Variants in TANC1 observed in about 807,000 individuals in gnomAD.
TANC1 encodes the protein tetratricopeptide repeat, ankyrin repeat and coiled-coil containing 1, also known as protein TANC1.
Under a neutral mutation model 149.7 loss-of-function variants are expected in TANC1, and 77 were observed. The observed-to-expected ratio is 0.51, with a 90% CI of 0.43 to 0.62. The LOEUF (loss-of-function observed/expected upper bound fraction) is 0.62. Among genes scored for constraint, TANC1 ranks in the 20% least tolerant of loss-of-function variants. TANC1 has a pLI of 0.00. For missense variants in TANC1, 1,985 were observed against 2,321.8 expected (o/e 0.85, Z 2.98); for synonymous variants, 854 against 925.0 (o/e 0.92, Z 1.39).
At chr2:159,117,676 G>A (rs1229781) in intron 4 of TANC1, among the ~76,000 whole-genome samples, 62,948 of 148,252 alleles carry the variant, frequency 0.42, 13,696 homozygotes, top group Admixed American at 0.53. Context: ...GATTACAGGC[G>A]TGAGCCACCG....
chr2:159,012,927 G>A (rs1333725931), intron 2 of TANC1, among the ~76,000 whole-genome samples: 2 of 152,162 alleles, frequency 1.3e-5, no homozygotes, highest in South Asian at 2.1e-4. Flanking sequence ...CTTCTTGTTG[G>A]TAGTTTTGCA....
intron 2 of TANC1, among the ~76,000 whole-genome samples, chr2:159,035,217 A>C (rs1215863683): frequency 1.3e-5 from 2 of 151,884 alleles, no homozygotes; most frequent in African/African-American, 4.8e-5. Flanking sequence ...TTTTTTTTTG[A>C]AGGAGTCAGT....
intron 7 of TANC1, among the ~76,000 whole-genome samples, chr2:159,151,178 T>C (rs978190155): frequency 1.3e-5 from 2 of 152,238 alleles, no homozygotes; most frequent in African/African-American, 4.8e-5. Context: ...TTTTGCACAC[T>C]TTCTTTCTCT....
chr2:159,089,333 G>T (rs2149841981), intron 3 of TANC1, among the ~76,000 whole-genome samples: 1 of 152,214 alleles, frequency 6.6e-6, no homozygotes, highest in Non-Finnish European at 1.5e-5. Flanking sequence ...CTAGGGTATT[G>T]GGAGAGGCCT....
At chr2:159,115,171 G>GGTGT (rs68140748) in intron 4 of TANC1, among the ~76,000 whole-genome samples, 5,085 of 149,682 alleles carry the variant, frequency 0.034, 101 homozygotes, top group Admixed American at 0.045. Flanking sequence ...AGCTGGTAAG[G>GGTGT]GTGTGTGTGT....
chr2:159,090,339 C>T (rs1213465577), intron 3 of TANC1, among the ~76,000 whole-genome samples: 3 of 152,142 alleles, frequency 2.0e-5, no homozygotes, highest in Non-Finnish European at 4.4e-5. Context: ...CCTTTTCTCC[C>T]GACCTCTTTG....
chr2:159,095,734 A>C (rs2046043879), intron 3 of TANC1, among the ~76,000 whole-genome samples: 1 of 2,954 alleles, frequency 3.4e-4, no homozygotes, highest in South Asian at 5.2e-3. Context: ...AGACTGTCTC[A>C]AAAAAAAAAA....
rs35562743 is a variant in TANC1 at position 159,101,518 on chromosome 2, G to GTT, written c.259+3693_259+3694dup. Among the ~76,000 whole-genome samples the GTT allele has an allele frequency of 9.9e-3, 1,444 of 146,322 alleles. 21 individuals are homozygous for GTT. Among genetic ancestry groups the GTT allele is most frequent in the African/African-American group, 0.034 (1,337 of 39,840 alleles). On this transcript the variant is annotated intron_variant, in intron 4 of 26. Transcript: ENST00000263635. ...TCTGCCACCTTCCTCCATTTATTTG[G>GTT]TTTTTTTTTTCATTGTTAGAAGATT... is the stretch of plus-strand genomic sequence containing the variant.
intron 19 of TANC1, among the ~76,000 whole-genome samples, chr2:159,209,331 A>G (rs1323573980): frequency 1.3e-5 from 2 of 152,244 alleles, no homozygotes; most frequent in Non-Finnish European, 2.9e-5. Context: ...AAAAATTTAT[A>G]GCTCTTGGAA....
At chr2:159,082,047 C>T (rs940961315) in intron 3 of TANC1, among the ~76,000 whole-genome samples, 6 of 152,266 alleles carry the variant, frequency 3.9e-5, no homozygotes, top group Non-Finnish European at 8.8e-5. Flanking sequence ...CTGCCCTGCC[C>T]AGCCAAGCCA....
intron 4 of TANC1, among the ~76,000 whole-genome samples, chr2:159,119,741 G>A (rs889143166): frequency 8.5e-5 from 13 of 152,270 alleles, no homozygotes; most frequent in Admixed American, 4.6e-4. Flanking sequence ...AGCTGCGGTC[G>A]TGGCTTATCT....
chr2:159,134,868 T>G (rs1279504077), intron 4 of TANC1, among the ~76,000 whole-genome samples: 3 of 152,178 alleles, frequency 2.0e-5, no homozygotes, highest in African/African-American at 7.2e-5. Flanking sequence ...GTGATCCTTC[T>G]GTGTTGGCCT....
chr2:159,123,734 C>G (rs904019454), intron 4 of TANC1, among the ~76,000 whole-genome samples: 1 of 152,186 alleles, frequency 6.6e-6, no homozygotes, highest in Non-Finnish European at 1.5e-5. Flanking sequence ...TTGTGCCCCA[C>G]CTGAGTACAT....
intron 10 of TANC1, among the ~76,000 whole-genome samples, chr2:159,171,698 A>C (rs1223678602): frequency 1.3e-5 from 2 of 151,930 alleles, no homozygotes; most frequent in Non-Finnish European, 2.9e-5. Flanking sequence ...CTCTACTGAA[A>C]ATACAAAAAT....
chr2:159,137,095 G>C (rs953228063), intron 5 of TANC1, among the ~76,000 whole-genome samples: 1 of 152,118 alleles, frequency 6.6e-6, no homozygotes, highest in Non-Finnish European at 1.5e-5. Flanking sequence ...CCTCAGTGTG[G>C]ACAAAAGTTT....
At chr2:159,224,158 G>C (rs1270822925) in intron 22 of TANC1, 74 bp from the exon 23 acceptor site, 12 of 1,572,476 alleles carry the variant, frequency 7.6e-6, no homozygotes, top group Non-Finnish European at 1.0e-5. Flanking sequence ...AGCTAAGACT[G>C]CCCACCCCTA....
intron 2 of TANC1, among the ~76,000 whole-genome samples, chr2:159,007,108 A>G (rs2037263307): frequency 6.7e-6 from 1 of 150,160 alleles, no homozygotes; most frequent in Non-Finnish European, 1.5e-5. Context: ...GCTGCCCTAT[A>G]CAGGTGTACT....
intron 24 of TANC1, chr2:159,225,989 C>T (rs1181626008): frequency 6.7e-6 from 4 of 595,046 alleles, no homozygotes; most frequent in Admixed American, 3.0e-5. Context: ...CCAGACCAAC[C>T]TGGCCAATAT....
At chr2:159,212,919 C>CAA (rs35369711) in intron 19 of TANC1, among the ~76,000 whole-genome samples, 14 of 114,974 alleles carry the variant, frequency 1.2e-4, no homozygotes, top group African/African-American at 4.4e-4. Context: ...GACACCGTCT[C>CAA]AAAAAAAAAA....
Sources: allele counts gnomAD v4.1 joint callset (sites outside exome capture counted in the v4.1 genomes callset), GRCh38; gene constraint gnomAD v4.1.1; transcripts MANE v1.5; gene names NCBI Gene and HGNC (gene_info 2026-07-23, HGNC 2026-07-21).